ITSN1: variants seen among roughly 807,000 people sequenced by gnomAD.
ITSN1 encodes intersectin 1.
Under a neutral mutation model 239.8 loss-of-function variants are expected in ITSN1, and 58 were observed. The observed-to-expected ratio is 0.24, with a 90% CI of 0.20 to 0.30. The LOEUF is 0.30. ITSN1 is among the 10% of genes least tolerant of loss of function. The probability of loss-of-function intolerance (pLI) is 1.00; values close to 1 mark genes in which losing one functional copy is unlikely to be tolerated. For synonymous variants in ITSN1, 780 were observed against 770.8 expected (o/e 1.01, Z -0.20); for missense variants, 1,558 against 2,103.3 (o/e 0.74, Z 5.07).
chr21:33,885,863 T>C (rs1985706292), intron 38 of ITSN1, among the ~76,000 whole-genome samples: 1 of 152,148 alleles, frequency 6.6e-6, no homozygotes, highest in African/African-American at 2.4e-5. Context: ...TCTGGGAGTT[T>C]CCACCCGGAT....
intron 1 of ITSN1, among the ~76,000 whole-genome samples, chr21:33,674,295 A>G (rs1034966604): frequency 2.0e-5 from 3 of 152,230 alleles, no homozygotes; most frequent in Admixed American, 6.5e-5. Flanking sequence ...TTACTATTGA[A>G]AATTACTTTG....
chr21:33,885,488 T>C lies in ITSN1; in HGVS notation c.4809T>C (p.Val1603=), dbSNP rs139974934. The change falls in exon 38 of 40, where the codon GTT becomes GTC. Residue 1603 remains valine (V), a synonymous_variant. Transcript: ENST00000381318. ...TTGGAAGGTTGATGGTGAACGTGGT[T>C]GAAGGCATCGAGTTGAAACCCTGTC... ...TGIGRLMVNV[V]EGIELKPCRS... 1,676 of 1,614,136 alleles carry C rather than the reference T, an allele frequency of 1.0e-3. 2 individuals carry two copies. The highest frequency in any genetic ancestry group is 1.9e-3 in the Admixed American group (114 of 60,018).
Position 33,818,328 on chromosome 21 carries a change from A to C in ITSN1, c.2789A>C (p.Asn930Thr). The C allele has an allele frequency of 6.2e-7, 1 of 1,614,240 alleles. No homozygotes were observed. Among genetic ancestry groups the C allele is most frequent in the Non-Finnish European group, 8.5e-7 (1 of 1,180,038 alleles). Reference protein sequence around the residue: ...ALYPWRAKKDNHLNFNKNDVI... With the variant: ...ALYPWRAKKDTHLNFNKNDVI... ...TATCCTTGGAGAGCCAAAAAAGACAACCACTTAAATTTTAACAAAAATGAT... is the reference window on the plus strand; with the variant it reads ...TATCCTTGGAGAGCCAAAAAAGACACCCACTTAAATTTTAACAAAAATGAT... The change falls in exon 23 of 40, where the codon AAC (asparagine) becomes ACC (threonine). Residue 930 changes from asparagine to threonine, a missense_variant. By Grantham distance (65) the Asn-to-Thr change is moderately conservative. Coordinates refer to ENST00000381318, the MANE Select transcript of ITSN1 (RefSeq NM_003024.3).
chr21:33,826,711 A>C (rs2073992928), intron 25 of ITSN1, 107 bp from the exon 26 acceptor site: 3 of 929,240 alleles, frequency 3.2e-6, no homozygotes, highest in Non-Finnish European at 3.5e-6. Flanking sequence ...CCCAGAATGA[A>C]AAGTGGGGCT....
At chr21:33,688,783 A>C (rs1359351184) in intron 1 of ITSN1, among the ~76,000 whole-genome samples, 1 of 152,018 alleles carries the variant, frequency 6.6e-6, no homozygotes, top group African/African-American at 2.4e-5. Context: ...TCAGTTCTCT[A>C]AGAATAGTTC....
rs574816046 is a variant in ITSN1, at chr21:33,775,050, C to T, written c.1538C>T (p.Thr513Ile). Residue 513 changes from threonine to isoleucine, a missense_variant, in exon 14 of 40, where the codon ACA becomes ATA. By Grantham distance (89) the Thr-to-Ile change is moderately conservative. Coordinates refer to ENST00000381318, the MANE Select transcript of ITSN1 (RefSeq NM_003024.3). ...ACCCAAAGGCAAGAAATTGAGAGCA[C>T]AAACAAATCTAGAGAGTTGAGAATT... ...LTTQRQEIES[T>I]NKSRELRIAE... 18 of 1,614,108 alleles carry T rather than the reference C, an allele frequency of 1.1e-5. No homozygotes were observed. In the South Asian group the frequency reaches 1.4e-4, roughly 13 times the overall value.
chr21:33,716,677 C>A (rs2065161990), intron 1 of ITSN1: 1 of 151,982 alleles, frequency 6.6e-6, no homozygotes, highest in East Asian at 1.9e-4. Flanking sequence ...ATCCAGGGAC[C>A]ACTAGATATA....
At chr21:33,849,257 A>T (rs776474869) in intron 29 of ITSN1, among the ~76,000 whole-genome samples, 3 of 150,688 alleles carry the variant, frequency 2.0e-5, no homozygotes, top group Admixed American at 6.6e-5. Flanking sequence ...AACAAGAACA[A>T]CAACAACAAG....
chr21:33,659,042 G>A (rs890921182), intron 1 of ITSN1, among the ~76,000 whole-genome samples: 2 of 152,146 alleles, frequency 1.3e-5, no homozygotes, highest in African/African-American at 2.4e-5. Context: ...TTGGAGGGTT[G>A]GAACTTTCAG....
At chr21:33,823,260 G>C (rs1416696407) in intron 24 of ITSN1, among the ~76,000 whole-genome samples, 1 of 152,172 alleles carries the variant, frequency 6.6e-6, no homozygotes, top group Non-Finnish European at 1.5e-5. Context: ...CTGTGTCTGG[G>C]TCTTCCCAGG....
Position 33,865,423 on chromosome 21 carries a change from A to G in ITSN1, c.4074+89A>G. On this transcript the variant is annotated intron_variant, in intron 32 of 39. Coordinates refer to ENST00000381318, the MANE Select transcript of ITSN1 (RefSeq NM_003024.3). This position sits in a 1 kb window ranked among gnomAD's most constrained non-coding sequence, Gnocchi z 4.4. ...TGAGGGGCTAATTCAAAAGTCTGCA[A>G]GAGTGTTCCCACTAGAGGCCAACAG... 6 of 1,141,476 alleles carry G rather than the reference A, an allele frequency of 5.3e-6. No homozygotes were observed. The highest frequency in any genetic ancestry group is 7.3e-6 in the Non-Finnish European group (6 of 821,496). The allele number at this position is 1,141,476 out of a possible 1,614,324, so 70.7% of individuals were successfully genotyped here.
At chr21:33,813,502 G>A (rs1428646391) in intron 21 of ITSN1, among the ~76,000 whole-genome samples, 3 of 151,930 alleles carry the variant, frequency 2.0e-5, no homozygotes, top group African/African-American at 4.8e-5. Context: ...ACAGGGGTGC[G>A]CCACCACACC....
intron 20 of ITSN1, among the ~76,000 whole-genome samples, chr21:33,808,150 GCAGTCCGCAGT>G: frequency 6.6e-6 from 1 of 151,334 alleles, no homozygotes; most frequent in East Asian, 2.0e-4. Flanking sequence ...TTGCGCCACT[GCAGTCCGCAGT>G]CCCACCTGGG....
intron 1 of ITSN1, among the ~76,000 whole-genome samples, chr21:33,699,646 G>A (rs553783994): frequency 7.9e-5 from 12 of 152,344 alleles, no homozygotes; most frequent in African/African-American, 2.9e-4. Flanking sequence ...TTAAGCCCTG[G>A]ATGTGGAGGT....
chr21:33,775,881 AGTT>A (rs1012575892), intron 14 of ITSN1, among the ~76,000 whole-genome samples: 13 of 152,230 alleles, frequency 8.5e-5, no homozygotes, highest in African/African-American at 3.1e-4. Context: ...GCCTATCCAA[AGTT>A]GTTATAATAT....
chr21:33,881,945 CAAAAA>C (rs370697945), intron 34 of ITSN1, among the ~76,000 whole-genome samples: 1 of 88,410 alleles, frequency 1.1e-5, no homozygotes. Flanking sequence ...GACCCTGTCT[CAAAAA>C]AAAAAAAAAA....
intron 1 of ITSN1, among the ~76,000 whole-genome samples, chr21:33,683,180 G>C (rs1265835472): frequency 1.3e-5 from 2 of 152,052 alleles, no homozygotes; most frequent in East Asian, 1.9e-4. Context: ...TGGGGAATCA[G>C]GCGCTGACTT....
intron 6 of ITSN1, among the ~76,000 whole-genome samples, chr21:33,751,507 A>G (rs1267547247): frequency 1.3e-5 from 2 of 152,336 alleles, no homozygotes; most frequent in African/African-American, 2.4e-5. Context: ...TTAAGCTGTT[A>G]CCTCTTTAAC....
chr21:33,732,977 G>T lies in ITSN1; in HGVS notation c.186-2067G>T, dbSNP rs377483648. Among the ~76,000 whole-genome samples, 4 of 152,266 alleles carry T rather than the reference G, an allele frequency of 2.6e-5. No individual in the cohort carries two copies. In the South Asian group the frequency reaches 6.2e-4, roughly 24 times the overall value. On this transcript the variant is annotated intron_variant, in intron 4 of 39. Transcript: ENST00000381318. ...TTTTCTTTGGTTGGGTAAACTATTG[G>T]TGCAAAAGCAATTGTGGTTTAATCA...
Sources: allele counts gnomAD v4.1 joint callset (sites outside exome capture counted in the v4.1 genomes callset), GRCh38; gene constraint gnomAD v4.1.1; non-coding constraint Gnocchi (gnomAD v3.1); transcripts MANE v1.5; gene names NCBI Gene and HGNC (gene_info 2026-07-23, HGNC 2026-07-21).